Variants in SAMMSON observed in about 807,000 individuals in gnomAD.
SAMMSON encodes long intergenic non-protein coding RNA 1212.
intron 9 of SAMMSON, among the ~76,000 whole-genome samples, chr3:70,372,598 A>G (rs1240699703): frequency 1.3e-5 from 2 of 151,988 alleles, no homozygotes; most frequent in Non-Finnish European, 2.9e-5. Flanking sequence ...CCATGCCCAC[A>G]CTATTTTTTA....
chr3:70,251,875 G>C (rs1701772694), intron 6 of SAMMSON, among the ~76,000 whole-genome samples: 1 of 150,612 alleles, frequency 6.6e-6, no homozygotes, highest in Non-Finnish European at 1.5e-5. Flanking sequence ...ATAAATGCTT[G>C]TTGTTATTTG....
chr3:70,409,691 G>C (rs1180974369), intron 2 of SAMMSON, among the ~76,000 whole-genome samples: 1 of 152,088 alleles, frequency 6.6e-6, no homozygotes, highest in African/African-American at 2.4e-5. Context: ...AATTGATATA[G>C]TAATAAGGCC....
intron 1 of SAMMSON, among the ~76,000 whole-genome samples, chr3:70,005,481 C>G (rs1414611103): frequency 6.6e-6 from 1 of 152,078 alleles, no homozygotes; most frequent in African/African-American, 2.4e-5. Context: ...TATTCTGGCC[C>G]AAGCTTTTTT....
chr3:70,157,233 A>G (rs2067595624), intron 4 of SAMMSON, among the ~76,000 whole-genome samples: 1 of 152,116 alleles, frequency 6.6e-6, no homozygotes, highest in African/African-American at 2.4e-5. Flanking sequence ...GATTTTATCT[A>G]GATTCAGGGA....
chr3:70,321,038 T>C (rs1266688788), intron 7 of SAMMSON, among the ~76,000 whole-genome samples: 1 of 152,024 alleles, frequency 6.6e-6, no homozygotes, highest in East Asian at 1.9e-4. Flanking sequence ...AGTAAAGGCT[T>C]AGCAATTATG....
At chr3:70,399,799 C>T (rs761024555) in intron 2 of SAMMSON, among the ~76,000 whole-genome samples, 9 of 147,814 alleles carry the variant, frequency 6.1e-5, no homozygotes, top group African/African-American at 1.8e-4. Context: ...CACTTGAACC[C>T]GGGAGGCAGA....
At chr3:70,402,977 TAATC>T (rs1701153087) in intron 2 of SAMMSON, among the ~76,000 whole-genome samples, 1 of 152,126 alleles carries the variant, frequency 6.6e-6, no homozygotes, top group African/African-American at 2.4e-5. Context: ...TATATTTTCT[TAATC>T]AATATCATAG....
intron 4 of SAMMSON, among the ~76,000 whole-genome samples, chr3:70,206,129 C>T (rs1414532289): frequency 6.6e-6 from 1 of 151,976 alleles, no homozygotes; most frequent in Non-Finnish European, 1.5e-5. Context: ...ATTGCTTAAT[C>T]TCATAGATTA....
At chr3:70,059,384 T>C (rs1268416828) in intron 3 of SAMMSON, among the ~76,000 whole-genome samples, 1 of 152,052 alleles carries the variant, frequency 6.6e-6, no homozygotes, top group African/African-American at 2.4e-5. Flanking sequence ...TACACAATTA[T>C]GGGAGTTGAG....
intron 7 of SAMMSON, among the ~76,000 whole-genome samples, chr3:70,339,074 A>C (rs987036095): frequency 1.3e-5 from 2 of 152,176 alleles, no homozygotes; most frequent in Non-Finnish European, 2.9e-5. Context: ...ATGGAACAGA[A>C]CAGAGCCCTA....
At position 70,125,555 on chromosome 3, in the gene SAMMSON, G is replaced by A. The variant is rs1368832583; in HGVS notation, n.507+53990G>A. On this transcript the variant is annotated intron_variant and non_coding_transcript_variant, in intron 4 of 9. Transcript: ENST00000642114. ...TCCAAATCCTATACTGGATGCATCA[G>A]CTTCAGTAACAGGTAGATCATTATT... The A allele has an allele frequency of 1.0e-5, 7 of 696,306 alleles. No homozygotes were observed. In the African/African-American group the frequency reaches 1.2e-4, roughly 12 times the overall value. 43.1% of individuals were successfully genotyped at this position (696,306 alleles called of 1,614,324 possible). A position where few individuals can be genotyped will look rare whatever the true frequency, so the allele number is the denominator to read the frequency against.
chr3:70,085,195 A>G (rs2067280959), intron 4 of SAMMSON, among the ~76,000 whole-genome samples: 1 of 152,212 alleles, frequency 6.6e-6, no homozygotes, highest in Admixed American at 6.5e-5. Flanking sequence ...GTCAATGACT[A>G]AGTTTTTACC....
At chr3:70,055,169 GA>G (rs1385551954) in intron 3 of SAMMSON, among the ~76,000 whole-genome samples, 1 of 151,976 alleles carries the variant, frequency 6.6e-6, no homozygotes, top group Non-Finnish European at 1.5e-5. Flanking sequence ...TGAAGAAGAG[GA>G]TATAAATGAA....
chr3:70,418,132 T>C (rs1006590120), intron 2 of SAMMSON, among the ~76,000 whole-genome samples: 11 of 152,168 alleles, frequency 7.2e-5, no homozygotes, highest in African/African-American at 2.7e-4. Context: ...TGACTAGTGT[T>C]GACTTCTGAA....
At chr3:70,008,421 G>A (rs1347081046) in intron 1 of SAMMSON, among the ~76,000 whole-genome samples, 2 of 152,166 alleles carry the variant, frequency 1.3e-5, no homozygotes, top group Non-Finnish European at 2.9e-5. Flanking sequence ...GTGAATGGGA[G>A]TTCACTCATG....
In SAMMSON at chr3:70,344,084, GGAAATACTGGGT is replaced by G. The variant is rs1284184082; in HGVS notation, n.740-10090_740-10079del. ...CACTAATGATATGGACAGGAGACAG[GGAAATACTGGGT>G]AGAAGAGAGCGATTAACCACCAAAG... On this transcript the variant is annotated intron_variant and non_coding_transcript_variant, in intron 7 of 9. Transcript: ENST00000642114. Among the ~76,000 whole-genome samples the G allele has an allele frequency of 4.6e-5, 7 of 151,930 alleles. No homozygotes were observed. The East Asian group carries it at 1.4e-3, about 29-fold the overall frequency.
intron 4 of SAMMSON, among the ~76,000 whole-genome samples, chr3:70,146,518 C>T (rs952913474): frequency 1.3e-5 from 2 of 151,962 alleles, no homozygotes; most frequent in Non-Finnish European, 2.9e-5. Flanking sequence ...AGTTAAAAGT[C>T]AATCAATGTA....
chr3:70,115,923 T>C (rs1381701929), intron 4 of SAMMSON, among the ~76,000 whole-genome samples: 1 of 152,140 alleles, frequency 6.6e-6, no homozygotes, highest in African/African-American at 2.4e-5. Flanking sequence ...GTGAGTTAAG[T>C]TGGTGATATT....
intron 4 of SAMMSON, among the ~76,000 whole-genome samples, chr3:70,107,964 A>G (rs2067373920): frequency 6.6e-6 from 1 of 152,166 alleles, no homozygotes; most frequent in Non-Finnish European, 1.5e-5. Flanking sequence ...ACTCTATGGT[A>G]TATAATTTAA....
Sources: gnomAD v4.1 joint callset for allele counts (sites outside exome capture counted in the v4.1 genomes callset) on GRCh38, gnomAD v4.1.1 for gene constraint, MANE v1.5 for transcripts, NCBI Gene and HGNC (gene_info 2026-07-23, HGNC 2026-07-21) for gene names.